NRG3: variants seen among roughly 807,000 people sequenced by gnomAD.
NRG3 encodes pro-neuregulin-3, membrane-bound isoform.
A neutral mutation model predicts 66.9 loss-of-function variants in NRG3; 31 were observed. The ratio of observed to expected loss-of-function variants is 0.46; its 90% CI spans 0.35 to 0.63. NRG3 has a LOEUF of 0.63. Among genes scored for constraint, NRG3 ranks in the 20% least tolerant of loss-of-function variants. The probability of loss-of-function intolerance (pLI) is 0.00; values close to 1 mark genes in which losing one functional copy is unlikely to be tolerated. For synonymous variants in NRG3, 393 were observed against 359.4 expected, an observed-to-expected ratio of 1.09 and a Z score of -1.06; for missense variants, 910 against 878.9, an observed-to-expected ratio of 1.04 and a Z score of -0.45.
At chr10:82,523,445 G>A (rs1846392445) in intron 2 of NRG3, among the ~76,000 whole-genome samples, 1 of 151,338 alleles carries the variant, frequency 6.6e-6, no homozygotes, top group South Asian at 2.1e-4. Context: ...TTTGATTATG[G>A]TTTTGATTTG....
intron 1 of NRG3, among the ~76,000 whole-genome samples, chr10:82,340,577 T>A (rs1182017860): frequency 6.6e-6 from 1 of 152,212 alleles, no homozygotes; most frequent in Non-Finnish European, 1.5e-5. Flanking sequence ...TTCATTTTCA[T>A]GAAGGAATCT....
At chr10:82,099,236 A>G (rs774877106) in intron 1 of NRG3, among the ~76,000 whole-genome samples, 48 of 152,318 alleles carry the variant, frequency 3.2e-4, no homozygotes, top group Admixed American at 1.1e-3. Context: ...TTTTACACTT[A>G]CAACTATCAA....
chr10:82,198,057 T>A (rs1320351452), intron 1 of NRG3, among the ~76,000 whole-genome samples: 1 of 152,168 alleles, frequency 6.6e-6, no homozygotes, highest in Non-Finnish European at 1.5e-5. Context: ...TACACAATAG[T>A]TGATGTTACC....
intron 4 of NRG3, among the ~76,000 whole-genome samples, chr10:82,942,826 C>A (rs1162850315): frequency 2.0e-5 from 3 of 152,146 alleles, no homozygotes; most frequent in African/African-American, 4.8e-5. Flanking sequence ...ATTTGTTTAT[C>A]TGTGAGGGAG....
chr10:82,087,752 G>A (rs776014033), intron 1 of NRG3, among the ~76,000 whole-genome samples: 38 of 152,100 alleles, frequency 2.5e-4, no homozygotes, highest in Non-Finnish European at 5.3e-4. Flanking sequence ...CATTAGGACA[G>A]CTTCTTTCTA....
At chr10:82,673,900 A>G (rs750024946) in intron 2 of NRG3, among the ~76,000 whole-genome samples, 4 of 152,188 alleles carry the variant, frequency 2.6e-5, no homozygotes, top group Non-Finnish European at 4.4e-5. Flanking sequence ...GGGAAAGAAC[A>G]TAGATCCAGG....
intron 1 of NRG3, among the ~76,000 whole-genome samples, chr10:81,881,177 T>C (rs552648317): frequency 1.3e-5 from 2 of 150,522 alleles, no homozygotes; most frequent in Non-Finnish European, 2.9e-5. Context: ...GCTTTTGTGT[T>C]TTTTTTGTGT....
At chr10:82,362,887 C>G (rs991524307) in intron 2 of NRG3, among the ~76,000 whole-genome samples, 1 of 151,942 alleles carries the variant, frequency 6.6e-6, no homozygotes, top group African/African-American at 2.4e-5. Flanking sequence ...CAAAAGTATA[C>G]TAATGATTTC....
chr10:82,001,481 C>T (rs981283126), intron 1 of NRG3, among the ~76,000 whole-genome samples: 4 of 148,918 alleles, frequency 2.7e-5, no homozygotes, highest in East Asian at 2.0e-4. Flanking sequence ...CCAGCCTGGG[C>T]GACACAGTGA....
intron 1 of NRG3, among the ~76,000 whole-genome samples, chr10:82,233,795 A>G (rs768861178): frequency 6.6e-6 from 1 of 152,052 alleles, no homozygotes; most frequent in South Asian, 2.1e-4. Context: ...TTCCCTTCCT[A>G]TCCCACAAGC....
At chr10:82,619,186 T>C (rs1298634245) in intron 2 of NRG3, among the ~76,000 whole-genome samples, 3 of 152,100 alleles carry the variant, frequency 2.0e-5, no homozygotes, top group African/African-American at 7.2e-5. Context: ...ATTGGACATA[T>C]AATATTTAGG....
intron 1 of NRG3, among the ~76,000 whole-genome samples, chr10:82,051,552 A>T (rs940809570): frequency 3.3e-5 from 5 of 152,184 alleles, no homozygotes; most frequent in African/African-American, 1.2e-4. Flanking sequence ...GACTTTTCTG[A>T]ATATGAACAT....
chr10:82,424,527 G>A (rs771213525), intron 2 of NRG3, among the ~76,000 whole-genome samples: 8 of 151,918 alleles, frequency 5.3e-5, no homozygotes, highest in Non-Finnish European at 1.0e-4. Context: ...ATTTTCATAT[G>A]TTCAGGATAC....
chr10:81,974,397 A>G (rs983793543), intron 1 of NRG3, among the ~76,000 whole-genome samples: 1 of 152,160 alleles, frequency 6.6e-6, no homozygotes, highest in Non-Finnish European at 1.5e-5. Context: ...CAAGCTTGTT[A>G]TGACTGTGGC....
intron 2 of NRG3, among the ~76,000 whole-genome samples, chr10:82,646,450 C>T (rs1356879732): frequency 2.0e-5 from 3 of 152,128 alleles, no homozygotes; most frequent in Non-Finnish European, 2.9e-5. Flanking sequence ...TCACCTGTCA[C>T]GTGTGGTTTG....
At chr10:82,339,706 A>G (rs184681032) in intron 1 of NRG3, among the ~76,000 whole-genome samples, 2 of 152,026 alleles carry the variant, frequency 1.3e-5, no homozygotes, top group Non-Finnish European at 2.9e-5. Context: ...TAAGCTTCCA[A>G]GTGCTCTTTT....
In NRG3 at chr10:82,375,313, G is replaced by A. The variant is rs571721848; in HGVS notation, c.953+16445G>A. On this transcript the variant is annotated intron_variant, in intron 2 of 8. Coordinates refer to ENST00000372141, the MANE Select transcript of NRG3 (RefSeq NM_001010848.4). ...AGCACTTTGGGAGGCCGAGGCGGGC[G>A]GATCACGAGGTCAGGAGATGGAGAC... Among the ~76,000 whole-genome samples the A allele has an allele frequency of 5.3e-5, 8 of 152,196 alleles. No homozygotes were observed. In the East Asian group the frequency reaches 5.8e-4, roughly 11 times the overall value.
intron 1 of NRG3, among the ~76,000 whole-genome samples, chr10:82,099,887 T>C (rs999073251): frequency 2.0e-5 from 3 of 151,062 alleles, no homozygotes; most frequent in Admixed American, 1.3e-4. Flanking sequence ...GGAAGTTTGA[T>C]GGGGGAGGGT....
chr10:82,677,224 G>A (rs2053768062), intron 2 of NRG3, among the ~76,000 whole-genome samples: 1 of 151,556 alleles, frequency 6.6e-6, no homozygotes, highest in Non-Finnish European at 1.5e-5. Flanking sequence ...GCTATTTTTT[G>A]TACTTTTTGT....
Sources: allele counts gnomAD v4.1 joint callset (sites outside exome capture counted in the v4.1 genomes callset), GRCh38; gene constraint gnomAD v4.1.1; transcripts MANE v1.5; gene names NCBI Gene and HGNC (gene_info 2026-07-23, HGNC 2026-07-21).